The following CLMN variants were observed in gnomAD, a reference collection of about 807,000 sequenced individuals.
The protein encoded by CLMN is calmin (calponin-like, transmembrane).
Under a neutral mutation model 92.7 loss-of-function variants are expected in CLMN, and 57 were observed. The observed-to-expected ratio is 0.61, with a 90% CI of 0.50 to 0.77. The LOEUF (loss-of-function observed/expected upper bound fraction) is 0.77. CLMN is among the 30% of genes least tolerant of loss of function. CLMN has a pLI of 0.00. For synonymous variants in CLMN, 466 were observed against 470.6 expected, an observed-to-expected ratio of 0.99 and a Z score of 0.13; for missense variants, 1,158 against 1,237.5, an observed-to-expected ratio of 0.94 and a Z score of 0.96.
In CLMN at chr14:95,194,553, G is replaced by C. The variant is rs1484944023; in HGVS notation, c.2752C>G (p.His918Asp). 6.2e-7 allele frequency: 1 copy of C among 1,614,192 alleles called. No homozygotes were observed. Among genetic ancestry groups the C allele is most frequent in the Admixed American group, 1.7e-5 (1 of 60,030 alleles). The change falls in exon 11 of 13, where the codon CAT (histidine) becomes GAT (aspartate). Residue 918 changes from histidine (H) to aspartate (D), a missense_variant. Coordinates refer to ENST00000298912, the MANE Select transcript of CLMN (RefSeq NM_024734.4). The surrounding 1 kb of genome is among the most constrained non-coding windows in gnomAD (Gnocchi z 4.0). Reference sequence around the variant, plus strand: ...ATACTAACCGATTCCGAAGACCTATGAGTATGTCGTCGAAGGTAAATGCTG... The same window carrying C: ...ATACTAACCGATTCCGAAGACCTATCAGTATGTCGTCGAAGGTAAATGCTG... ...DSSIYLRRHT[H>D]RSSESDHFSY...
At chr14:95,212,953 TTTTG>T (rs1897239469) in intron 6 of CLMN, among the ~76,000 whole-genome samples, 1 of 151,916 alleles carries the variant, frequency 6.6e-6, no homozygotes. Flanking sequence ...GCCCGGCTAA[TTTTG>T]TTTGTATTGT....
At position 95,202,770 on chromosome 14, in the gene CLMN, G is replaced by A. The variant is rs895068440; in HGVS notation, c.2511+68C>T. 5.5e-5 allele frequency: 80 copies of A among 1,447,838 alleles called. 1 individual carries two copies. The Middle Eastern group carries it at 5.5e-4, about 10-fold the overall frequency. The allele number at this position is 1,447,838 out of a possible 1,614,324, so 89.7% of individuals were successfully genotyped here. On this transcript the variant is annotated intron_variant, in intron 9 of 12. Coordinates refer to ENST00000298912, the MANE Select transcript of CLMN (RefSeq NM_024734.4). Reference sequence around the variant, plus strand: ...GCTATTTTATGGAGCAAGAAGCTGAGCTTCAGACAAAGAACTATCAAGTTT... The same window carrying A: ...GCTATTTTATGGAGCAAGAAGCTGAACTTCAGACAAAGAACTATCAAGTTT...
Position 95,213,200 on chromosome 14 carries a change from G to A in CLMN, c.608+19C>T. 1 of 1,611,494 alleles carries A rather than the reference G, an allele frequency of 6.2e-7. No individual in the cohort carries two copies. Among genetic ancestry groups the A allele is most frequent in the Non-Finnish European group, 8.5e-7 (1 of 1,178,830 alleles). ...AGCTAGTTAAATGAAGTAGTGTGGG[G>A]AGAGGGGCTGCGGCTTACTTTCTCG... On this transcript the variant is annotated intron_variant, in intron 6 of 12. Transcript: ENST00000298912.
chr14:95,318,361 A>G (rs1901886569), intron 1 of CLMN, among the ~76,000 whole-genome samples: 2 of 152,158 alleles, frequency 1.3e-5, no homozygotes, highest in Admixed American at 6.5e-5. Flanking sequence ...CACAAATCAC[A>G]GCCAGAAGAG....
intron 1 of CLMN, among the ~76,000 whole-genome samples, chr14:95,318,953 T>C (rs918208993): frequency 7.2e-5 from 11 of 152,234 alleles, no homozygotes; most frequent in African/African-American, 2.7e-4. Flanking sequence ...ACACACTTCA[T>C]GTGTGGCACC....
Position 95,262,728 on chromosome 14 carries a change from G to A in CLMN, c.83-32595C>T, listed in dbSNP as rs539450767. Among the ~76,000 whole-genome samples, 15 of 152,116 alleles carry A rather than the reference G, an allele frequency of 9.9e-5. No individual in the cohort carries two copies. The South Asian group carries it at 1.7e-3, about 17-fold the overall frequency. ...ACTACAGGTATGTGCCACCATGCCC[G>A]GCTAATTTTTGTATTTTTTCTAGAA... On this transcript the variant is annotated intron_variant, in intron 1 of 12. Transcript: ENST00000298912.
At chr14:95,236,073 C>A (rs950144356) in intron 1 of CLMN, among the ~76,000 whole-genome samples, 2 of 152,062 alleles carry the variant, frequency 1.3e-5, no homozygotes, top group Non-Finnish European at 2.9e-5. Flanking sequence ...TGACAGCAGC[C>A]GCCACTTCCC....
chr14:95,219,394 C>A (rs1897455318), intron 4 of CLMN, among the ~76,000 whole-genome samples: 1 of 152,172 alleles, frequency 6.6e-6, no homozygotes, highest in Non-Finnish European at 1.5e-5. Context: ...CAGGAGTAGA[C>A]ACTGCTAAGA....
At chr14:95,299,237 C>G (rs1400818990) in intron 1 of CLMN, among the ~76,000 whole-genome samples, 4 of 152,124 alleles carry the variant, frequency 2.6e-5, no homozygotes, top group Admixed American at 2.0e-4. Flanking sequence ...AGGCCCTTTC[C>G]CTAACAAAAA....
chr14:95,213,242 C>T lies in CLMN; in HGVS notation c.585G>A (p.Ala195=), dbSNP rs770227328. ...DQRKAIKALL[A]WVQRKTRKYG... ...ACTTTCTCGTTTTCCTCTGCACCCA[C>T]GCCAACAGGGCCTTGATAGCCTTCC... The change falls in exon 6 of 13, where the codon GCG becomes GCA. Residue 195 remains alanine (A), a synonymous_variant. Transcript: ENST00000298912. The T allele has an allele frequency of 2.3e-5, 37 of 1,613,922 alleles. No individual in the cohort carries two copies. Among genetic ancestry groups the T allele is most frequent in the East Asian group, 2.2e-4 (10 of 44,882 alleles).
chr14:95,183,630 G>A lies in CLMN; in HGVS notation c.*7934C>T, dbSNP rs1896376578. 6.6e-6 allele frequency: 1 copy of A among 152,228 alleles called. No individual in the cohort carries two copies. Among genetic ancestry groups the A allele is most frequent in the African/African-American group, 2.4e-5 (1 of 41,456 alleles). 9.4% of individuals were successfully genotyped at this position (152,228 alleles called of 1,614,324 possible). On this transcript the variant is annotated 3_prime_UTR_variant, in exon 13 of 13. Transcript: ENST00000298912. ...ACTCTGTGAAGTACGTGTTAGAGGT[G>A]CAGAGATGAGCAGCTGGGGGCAGGA...
At chr14:95,268,288 T>C (rs1899556717) in intron 1 of CLMN, among the ~76,000 whole-genome samples, 1 of 152,056 alleles carries the variant, frequency 6.6e-6, no homozygotes, top group Non-Finnish European at 1.5e-5. Context: ...AATATGTGTA[T>C]CGTTTATGTA....
At chr14:95,242,232 CTTTTCTT>C in intron 1 of CLMN, among the ~76,000 whole-genome samples, 1 of 104,738 alleles carries the variant, frequency 9.5e-6, no homozygotes, top group East Asian at 2.7e-4. Context: ...TCAGGCATTT[CTTTTCTT>C]TTTTCTTTTT....
intron 1 of CLMN, among the ~76,000 whole-genome samples, chr14:95,307,065 A>T (rs905898216): frequency 2.6e-5 from 4 of 152,196 alleles, no homozygotes; most frequent in African/African-American, 9.7e-5. Flanking sequence ...AAGGCAAGGG[A>T]ATGGGGAAAC....
intron 1 of CLMN, among the ~76,000 whole-genome samples, chr14:95,243,017 T>C (rs1898316540): frequency 6.6e-6 from 1 of 152,190 alleles, no homozygotes; most frequent in African/African-American, 2.4e-5. Flanking sequence ...GTCTTTGTCA[T>C]ATAGAGTCAA....
chr14:95,234,376 A>G (rs1332944753), intron 1 of CLMN, among the ~76,000 whole-genome samples: 1 of 151,690 alleles, frequency 6.6e-6, no homozygotes, highest in Non-Finnish European at 1.5e-5. Context: ...TGAGACGCCC[A>G]CCCCCCATCC....
In CLMN at chr14:95,191,407, A is replaced by G; in HGVS notation, c.*157T>C. The G allele has an allele frequency of 4.2e-6, 1 of 237,000 alleles. No homozygotes were observed. The highest frequency in any genetic ancestry group is 6.8e-6 in the Non-Finnish European group (1 of 148,118). The allele number at this position is 237,000 out of a possible 1,614,324, so 14.7% of individuals were successfully genotyped here. A position where few individuals can be genotyped will look rare whatever the true frequency, so the allele number is the denominator to read the frequency against. The stretch of plus-strand genomic sequence containing the variant: ...TTGTCCAGAAAAAAAAGGAAACCTG[A>G]AAAAAAAAAAAAAACCACAATAGCG... On this transcript the variant is annotated 3_prime_UTR_variant, in exon 13 of 13. Transcript: ENST00000298912. This position sits in a 1 kb window ranked among gnomAD's most constrained non-coding sequence, Gnocchi z 5.3.
At chr14:95,307,893 A>G (rs1901354920) in intron 1 of CLMN, 1 of 152,144 alleles carries the variant, frequency 6.6e-6, no homozygotes, top group South Asian at 2.1e-4. Context: ...TCTGCTGCTC[A>G]CTCGCTGAGA....
chr14:95,253,621 T>G (rs1366920604), intron 1 of CLMN, among the ~76,000 whole-genome samples: 1 of 151,322 alleles, frequency 6.6e-6, no homozygotes, highest in Non-Finnish European at 1.5e-5. Context: ...TTTTTTGTTT[T>G]TTTTTTTTTG....
Sources: gnomAD v4.1 joint callset for allele counts (sites outside exome capture counted in the v4.1 genomes callset) on GRCh38, gnomAD v4.1.1 for gene constraint, Gnocchi (gnomAD v3.1) non-coding constraint, MANE v1.5 for transcripts, NCBI Gene and HGNC (gene_info 2026-07-23, HGNC 2026-07-21) for gene names.